DNAH3: variants seen among roughly 807,000 people sequenced by gnomAD.
DNAH3 encodes the protein axonemal beta dynein heavy chain 3.
DNAH3 carries 332 observed loss-of-function variants against 432.5 expected under a neutral mutation model. That is an observed-to-expected ratio of 0.77 (90% CI 0.70 to 0.84). The LOEUF is 0.84. Among genes scored for constraint, DNAH3 ranks in the 40% least tolerant of loss-of-function variants. The probability of loss-of-function intolerance (pLI) is 0.00; values close to 1 mark genes in which losing one functional copy is unlikely to be tolerated. For missense variants in DNAH3, 4,861 were observed against 5,114.0 expected (o/e 0.95, Z 1.51); for synonymous variants, 1,956 against 1,900.2 (o/e 1.03, Z -0.76).
intron 24 of DNAH3, 127 bp from the exon 25 acceptor site, chr16:21,062,810 G>T (rs2090409219): frequency 1.2e-5 from 8 of 684,062 alleles, no homozygotes; most frequent in Non-Finnish European, 1.9e-5. Flanking sequence ...TCTTCACAAA[G>T]GCCCACTCTC....
chr16:20,975,465 A>G lies in DNAH3; in HGVS notation c.8077-50T>C, dbSNP rs760491907. ...ATCCAGGGTCAGCACTGAAAATGGC[A>G]AAGTAGACAAGAATTGAAATGATTC... On this transcript the variant is annotated intron_variant, in intron 50 of 61. Transcript: ENST00000261383. The G allele has an allele frequency of 2.6e-6, 4 of 1,548,464 alleles. No individual in the cohort carries two copies. In the Admixed American group the frequency reaches 7.5e-5, roughly 29 times the overall value.
chr16:20,987,541 G>A, intron 46 of DNAH3, 93 bp from the exon 47 acceptor site: 23 of 1,549,318 alleles, frequency 1.5e-5, no homozygotes, highest in Non-Finnish European at 2.0e-5. Flanking sequence ...TTGATTTGAG[G>A]ATTGAACTAG....
At chr16:20,943,253 T>G (rs1342147149) in intron 58 of DNAH3, among the ~76,000 whole-genome samples, 3 of 152,028 alleles carry the variant, frequency 2.0e-5, no homozygotes, top group Non-Finnish European at 2.9e-5. Flanking sequence ...GCTATTTTTT[T>G]TTTTTGTATA....
At chr16:20,980,229 T>TATAATATACATCATATA in intron 49 of DNAH3, among the ~76,000 whole-genome samples, 2 of 103,870 alleles carry the variant, frequency 1.9e-5, no homozygotes, top group South Asian at 7.1e-4. Context: ...ATATTATTTA[T>TATAATATACATCATATA]TTATATTATA....
chr16:21,141,298 A>C lies in DNAH3; in HGVS notation c.521+2T>G. On this transcript the variant is annotated splice_donor_variant, in intron 4 of 61. Transcript: ENST00000261383. LOFTEE classifies it high-confidence loss of function. Reference sequence around the variant, plus strand: ...TCTCTGGTGCCCACAGTGATATCTTACCTAGTGGAATCCTCTTTGTTTCTG... The same window carrying C: ...TCTCTGGTGCCCACAGTGATATCTTCCCTAGTGGAATCCTCTTTGTTTCTG... 1 of 1,581,524 alleles carries C rather than the reference A, an allele frequency of 6.3e-7. No homozygotes were observed. The highest frequency in any genetic ancestry group is 8.6e-7 in the Non-Finnish European group (1 of 1,159,938).
intron 52 of DNAH3, among the ~76,000 whole-genome samples, chr16:20,966,772 A>G (rs976067157): frequency 6.6e-6 from 1 of 152,180 alleles, no homozygotes; most frequent in African/African-American, 2.4e-5. Flanking sequence ...GATGGAGCCC[A>G]ATCAGTCCTC....
At chr16:21,016,348 A>C (rs1431941916) in intron 41 of DNAH3, among the ~76,000 whole-genome samples, 1 of 152,256 alleles carries the variant, frequency 6.6e-6, no homozygotes, top group Non-Finnish European at 1.5e-5. Flanking sequence ...ACCTGGAGAC[A>C]CATACATGCA....
rs191146276 is a variant in DNAH3 at position 21,148,539 on chromosome 16, G to A, written c.118-2451C>T. Among the ~76,000 whole-genome samples the A allele has an allele frequency of 5.5e-3, 838 of 151,894 alleles. 3 individuals are homozygous for A. Among genetic ancestry groups the A allele is most frequent in the Middle Eastern group, 0.017 (5 of 294 alleles). On this transcript the variant is annotated intron_variant, in intron 1 of 61. Transcript: ENST00000261383. ...TACAACTGCAACCTCCACCCCCTAGGTTCGAGCGATTCTCCTGCCTCAGCT... is the reference window on the plus strand; with the variant it reads ...TACAACTGCAACCTCCACCCCCTAGATTCGAGCGATTCTCCTGCCTCAGCT...
chr16:21,071,428 C>T (rs2090778093), intron 21 of DNAH3, among the ~76,000 whole-genome samples: 1 of 151,966 alleles, frequency 6.6e-6, no homozygotes, highest in Admixed American at 6.6e-5. Context: ...CTTGCCTCAG[C>T]CTCCCAAAGT....
chr16:20,944,863 C>T lies in DNAH3; in HGVS notation c.11344-200G>A, dbSNP rs147256176. 5.4e-3 allele frequency among the ~76,000 whole-genome samples: 821 copies of T among 152,122 alleles called. 11 individuals carry two copies. The highest frequency in any genetic ancestry group is 0.019 in the African/African-American group (780 of 41,504). ...GTTTTCTGGGGAGTGGGCATGAAAG[C>T]AGATGAGACTGAATTACCTCTCGCC... is the stretch of plus-strand genomic sequence containing the variant. On this transcript the variant is annotated intron_variant, in intron 57 of 61. Transcript: ENST00000261383.
intron 57 of DNAH3, among the ~76,000 whole-genome samples, chr16:20,946,574 A>AAGGAATCAG (rs1178534635): frequency 6.6e-6 from 1 of 152,124 alleles, no homozygotes; most frequent in Non-Finnish European, 1.5e-5. Flanking sequence ...TCATCCACAG[A>AAGGAATCAG]AGGAATCAGG....
Position 21,158,916 on chromosome 16 carries a change from A to G in DNAH3, c.117+409T>C, listed in dbSNP as rs1862268. ...TTAGTGTAAGGGGCGTCTCCTGCTTATGAGTCGCCGGGACGGGGCTGGGAG... is the reference window on the plus strand; with the variant it reads ...TTAGTGTAAGGGGCGTCTCCTGCTTGTGAGTCGCCGGGACGGGGCTGGGAG... On this transcript the variant is annotated intron_variant, in intron 1 of 61. Coordinates refer to ENST00000261383, the Ensembl canonical transcript of DNAH3. Among the ~76,000 whole-genome samples the G allele has an allele frequency of 0.72, 108,640 of 151,692 alleles. 39,444 individuals carry two copies. The highest frequency in any genetic ancestry group is 1 in the East Asian group (5,083 of 5,096).
chr16:21,041,534 G>A (rs1388695511), intron 32 of DNAH3, among the ~76,000 whole-genome samples: 1 of 152,170 alleles, frequency 6.6e-6, no homozygotes, highest in Non-Finnish European at 1.5e-5. Context: ...CAGTCAGAAT[G>A]CATTAGTAAC....
chr16:20,972,763 T>G (rs1030436319), intron 51 of DNAH3, among the ~76,000 whole-genome samples: 5 of 146,298 alleles, frequency 3.4e-5, no homozygotes, highest in African/African-American at 1.0e-4. Flanking sequence ...TTTTTTTTTT[T>G]GGTCACTCAG....
At chr16:20,981,032 T>TAG (rs1470879633) in intron 49 of DNAH3, among the ~76,000 whole-genome samples, 2 of 152,184 alleles carry the variant, frequency 1.3e-5, no homozygotes, top group African/African-American at 4.8e-5. Flanking sequence ...CCATGAACCA[T>TAG]AGTTTGTCAG....
chr16:20,945,812 T>C (rs575527260), intron 57 of DNAH3, among the ~76,000 whole-genome samples: 11 of 152,224 alleles, frequency 7.2e-5, no homozygotes, highest in African/African-American at 2.4e-4. Flanking sequence ...TTAATTAACT[T>C]GCTTTTGTTG....
chr16:21,060,124 G>C, intron 26 of DNAH3, 140 bp downstream of exon 26: 1 of 677,032 alleles, frequency 1.5e-6, no homozygotes, highest in Non-Finnish European at 2.6e-6. Context: ...GGGTTCACAA[G>C]TGAAGGAAAG....
At position 21,037,995 on chromosome 16, in the gene DNAH3, A is replaced by G; in HGVS notation, c.4731-15T>C. 1.9e-6 allele frequency: 3 copies of G among 1,611,924 alleles called. No homozygotes were observed. Among genetic ancestry groups the G allele is most frequent in the Non-Finnish European group, 1.7e-6 (2 of 1,178,602 alleles). On this transcript the variant is annotated splice_polypyrimidine_tract_variant and intron_variant, in intron 33 of 61. Transcript: ENST00000261383. Reference sequence around the variant, plus strand: ...TCTGGGCGAGACTAGAAGGGCAAAGACATGTATGCGGACACCCAGAGAGGA... The same window carrying G: ...TCTGGGCGAGACTAGAAGGGCAAAGGCATGTATGCGGACACCCAGAGAGGA...
intron 24 of DNAH3, 21 bp from the exon 25 acceptor site, chr16:21,062,704 A>T: frequency 6.3e-7 from 1 of 1,598,746 alleles, no homozygotes; most frequent in Non-Finnish European, 8.5e-7. Flanking sequence ...GCAAAGAAAG[A>T]TGGTAACTGG....
Sources: allele counts gnomAD v4.1 joint callset (sites outside exome capture counted in the v4.1 genomes callset), GRCh38; gene constraint gnomAD v4.1.1; transcripts MANE v1.5; gene names NCBI Gene and HGNC (gene_info 2026-07-23, HGNC 2026-07-21).